CSRP1: variants seen among roughly 807,000 people sequenced by gnomAD.
CSRP1 encodes cysteine and glycine-rich protein 1.
A neutral mutation model predicts 25.4 loss-of-function variants in CSRP1; 16 were observed. The observed-to-expected ratio is 0.63, with a 90% confidence interval of 0.43 to 0.96. The LOEUF is 0.96. Among genes scored for constraint, CSRP1 ranks in the 40% least tolerant of loss-of-function variants. CSRP1 has a pLI of 0.00. For missense variants in CSRP1, 212 were observed against 243.6 expected, an observed-to-expected ratio of 0.87 and a Z score of 0.86; for synonymous variants, 97 against 95.3, an observed-to-expected ratio of 1.02 and a Z score of -0.10.
At chr1:201,505,562 C>G (rs3767526) in intron 1 of CSRP1, among the ~76,000 whole-genome samples, 89,609 of 151,802 alleles carry the variant, frequency 0.59, 28,195 homozygotes, top group Non-Finnish European at 0.71. Flanking sequence ...AGACAGTTCT[C>G]TCCTCCCTCT....
intron 5 of CSRP1, 41 bp downstream of exon 5, chr1:201,485,242 C>T: frequency 1.3e-6 from 2 of 1,587,638 alleles, no homozygotes; most frequent in Non-Finnish European, 1.7e-6. Flanking sequence ...CCCCTACCCC[C>T]TTGGGCCTCC....
rs1664143517 is a variant in CSRP1 at position 201,486,371 on chromosome 1, G to C, written c.412-995C>G. 10 of 985,388 alleles carry C rather than the reference G, an allele frequency of 1.0e-5. No homozygotes were observed. The South Asian group carries it at 2.8e-4, about 28-fold the overall frequency. The allele number at this position is 985,388 out of a possible 1,614,324, so 61.0% of individuals were successfully genotyped here. On this transcript the variant is annotated intron_variant, in intron 4 of 5. Coordinates refer to ENST00000340006, the MANE Select transcript of CSRP1 (RefSeq NM_004078.3). ...TTAACCCAGGAAAAGCAAGAGGCAGGCAGCAGTCAGATAAGACAAAACAAG... is the reference window on the plus strand; with the variant it reads ...TTAACCCAGGAAAAGCAAGAGGCAGCCAGCAGTCAGATAAGACAAAACAAG...
At chr1:201,485,410 C>A (rs1246706241) in intron 4 of CSRP1, 34 bp from the exon 5 acceptor site, 1 of 1,590,998 alleles carries the variant, frequency 6.3e-7, no homozygotes, top group South Asian at 1.1e-5. Flanking sequence ...ATGGCTGCCA[C>A]CAGTGATGAG....
Position 201,490,280 on chromosome 1 carries a change from C to T in CSRP1, c.177G>A (p.Lys59=), listed in dbSNP as rs941734626. ...VAVHGEEIYC[K]SCYGKKYGPK... ...GCCCATACTTCTTGCCGTAGCAGGA[C>T]TTGCAGTAAATCTCCTCACCATGCA... Residue 59 remains lysine, a synonymous_variant, in exon 3 of 6, where the codon AAG becomes AAA. Transcript: ENST00000340006. 3 of 1,614,084 alleles carry T rather than the reference C, an allele frequency of 1.9e-6. No homozygotes were observed. The highest frequency in any genetic ancestry group is 1.7e-6 in the Non-Finnish European group (2 of 1,180,054).
chr1:201,499,914 T>G (rs1571786863), intron 1 of CSRP1, among the ~76,000 whole-genome samples: 1 of 152,078 alleles, frequency 6.6e-6, no homozygotes, highest in African/African-American at 2.4e-5. Context: ...GAGTCACTGC[T>G]CCCAGCCACA....
At chr1:201,496,459 A>G in intron 1 of CSRP1, 155 bp from the exon 2 acceptor site, 6 of 649,024 alleles carry the variant, frequency 9.2e-6, no homozygotes, top group South Asian at 1.8e-5. Context: ...ACTTTCTGCT[A>G]GCTCTCGACA....
intron 5 of CSRP1, 73 bp downstream of exon 5, chr1:201,485,210 G>A (rs905000893): frequency 6.1e-6 from 8 of 1,303,318 alleles, no homozygotes; most frequent in African/African-American, 1.5e-5. Flanking sequence ...TTTACATTCA[G>A]CAAAGGCAAA....
chr1:201,495,998 T>C (rs1387253083), intron 2 of CSRP1, 194 bp downstream of exon 2: 2 of 554,790 alleles, frequency 3.6e-6, no homozygotes, highest in Non-Finnish European at 6.4e-6. Flanking sequence ...GGCCAGTTCA[T>C]CCCTTAGAAA....
chr1:201,496,503 C>G (rs368827071), intron 1 of CSRP1, 199 bp from the exon 2 acceptor site: 66 of 602,398 alleles, frequency 1.1e-4, no homozygotes, highest in Non-Finnish European at 1.6e-4. Context: ...TTTCCTCCCC[C>G]CAATCTAATC....
intron 1 of CSRP1, 84 bp from the exon 2 acceptor site, chr1:201,496,388 A>C (rs1664516659): frequency 8.6e-7 from 1 of 1,160,026 alleles, no homozygotes. Flanking sequence ...TGCAACAGCC[A>C]GATCCAGAGG....
At chr1:201,494,723 C>G (rs1664450191) in intron 2 of CSRP1, among the ~76,000 whole-genome samples, 1 of 152,210 alleles carries the variant, frequency 6.6e-6, no homozygotes, top group Non-Finnish European at 1.5e-5. Context: ...TAATGCAGAA[C>G]AGACAGGACC....
Position 201,490,348 on chromosome 1 carries a change from T to C in CSRP1, c.113-4A>G. The C allele has an allele frequency of 6.2e-7, 1 of 1,612,992 alleles. No homozygotes were observed. ...TCCAGATTCTTCTTGCAGACCACTG[T>C]GGAGGGGAAGGGGAAGCGGACGCAT... On this transcript the variant is annotated splice_region_variant and splice_polypyrimidine_tract_variant and intron_variant, in intron 2 of 5. Transcript: ENST00000340006.
Position 201,484,219 on chromosome 1 carries a change from A to C in CSRP1, c.*494T>G. On this transcript the variant is annotated 3_prime_UTR_variant, in exon 6 of 6. Transcript: ENST00000340006. Reference sequence around the variant, plus strand: ...CCCTAAGCTGGGACTCCTCAGGCTTACTCTGAGGGACACCAGGAAGCTCAA... The same window carrying C: ...CCCTAAGCTGGGACTCCTCAGGCTTCCTCTGAGGGACACCAGGAAGCTCAA... 7.8e-6 allele frequency: 4 copies of C among 515,020 alleles called. No individual in the cohort carries two copies. The South Asian group carries it at 1.4e-4, about 18-fold the overall frequency. The allele number at this position is 515,020 out of a possible 1,614,324, so 31.9% of individuals were successfully genotyped here. A position where few individuals can be genotyped will look rare whatever the true frequency, so the allele number is the denominator to read the frequency against.
intron 2 of CSRP1, chr1:201,491,831 C>T (rs544976529): frequency 6.6e-6 from 1 of 152,376 alleles, no homozygotes; most frequent in East Asian, 1.9e-4. Context: ...TTTTACCACC[C>T]TCGGAGAAGC....
In CSRP1 at chr1:201,486,914, G is replaced by C. The variant is rs12401636; in HGVS notation, c.412-1538C>G. 3.9e-3 allele frequency: 4,883 copies of C among 1,266,730 alleles called. 254 individuals carry two copies. The East Asian group carries it at 0.093, about 24-fold the overall frequency. The allele number at this position is 1,266,730 out of a possible 1,614,324, so 78.5% of individuals were successfully genotyped here. A position where few individuals can be genotyped will look rare whatever the true frequency, so the allele number is the denominator to read the frequency against. Reference sequence around the variant, plus strand: ...CTTAATAATTTTCTATTCTCATAATGAGATAGAACAAAAAACCCAACTTAA... The same window carrying C: ...CTTAATAATTTTCTATTCTCATAATCAGATAGAACAAAAAACCCAACTTAA... On this transcript the variant is annotated intron_variant, in intron 4 of 5. Coordinates refer to ENST00000340006, the MANE Select transcript of CSRP1 (RefSeq NM_004078.3).
intron 2 of CSRP1, among the ~76,000 whole-genome samples, chr1:201,494,904 A>G (rs925898985): frequency 6.6e-6 from 1 of 152,246 alleles, no homozygotes; most frequent in Non-Finnish European, 1.5e-5. Flanking sequence ...AATCATTTTA[A>G]GTGCTTTGTC....
At chr1:201,496,007 A>G (rs1664498758) in intron 2 of CSRP1, 185 bp downstream of exon 2, 3 of 560,474 alleles carry the variant, frequency 5.4e-6, no homozygotes, top group Non-Finnish European at 9.5e-6. Context: ...ATCCCTTAGA[A>G]AGAAGCTTCT....
At chr1:201,495,304 G>A (rs1381752501) in intron 2 of CSRP1, among the ~76,000 whole-genome samples, 1 of 152,224 alleles carries the variant, frequency 6.6e-6, no homozygotes, top group African/African-American at 2.4e-5. Context: ...GGAGGCTGAG[G>A]TGAGAGGATC....
chr1:201,484,961 G>A (rs631593), intron 5 of CSRP1, among the ~76,000 whole-genome samples, 172 bp from the exon 6 acceptor site: 1,684 of 151,922 alleles, frequency 0.011, 31 homozygotes, highest in African/African-American at 0.037. Context: ...GTAAAATAGC[G>A]AAGAGGCTCT....
Sources: allele counts gnomAD v4.1 joint callset (sites outside exome capture counted in the v4.1 genomes callset), GRCh38; gene constraint gnomAD v4.1.1; transcripts MANE v1.5; gene names NCBI Gene and HGNC (gene_info 2026-07-23, HGNC 2026-07-21).